CACNA2D1: variants seen among roughly 807,000 people sequenced by gnomAD.
CACNA2D1 encodes the protein voltage-dependent calcium channel subunit alpha-2/delta-1.
Under a neutral mutation model 171.5 loss-of-function variants are expected in CACNA2D1, and 53 were observed. The ratio of observed to expected loss-of-function variants is 0.31; its 90% confidence interval spans 0.25 to 0.39. The LOEUF (loss-of-function observed/expected upper bound fraction) is 0.39, where lower values mean the gene tolerates loss of function less well. Ranked by LOEUF, CACNA2D1 falls within the 10% of genes least tolerant of loss-of-function variation. The pLI, the probability that CACNA2D1 is intolerant of heterozygous loss-of-function variation, is 1.00. For missense variants in CACNA2D1, 903 were observed against 1,299.8 expected (o/e 0.69, Z 4.69); for synonymous variants, 442 against 443.1 (o/e 1.00, Z 0.03).
chr7:82,203,625 C>G (rs1029123627), intron 3 of CACNA2D1, among the ~76,000 whole-genome samples: 1 of 152,160 alleles, frequency 6.6e-6, no homozygotes, highest in Non-Finnish European at 1.5e-5. Context: ...TGATCCAGGG[C>G]ACCTATTTGA....
At chr7:82,357,764 T>C (rs1318434774) in intron 1 of CACNA2D1, among the ~76,000 whole-genome samples, 1 of 150,124 alleles carries the variant, frequency 6.7e-6, no homozygotes, top group African/African-American at 2.5e-5. Flanking sequence ...TAACGCTAAA[T>C]GACCAGTTAA....
At chr7:82,093,029 T>C (rs1042496915) in intron 6 of CACNA2D1, among the ~76,000 whole-genome samples, 1 of 152,114 alleles carries the variant, frequency 6.6e-6, no homozygotes, top group Non-Finnish European at 1.5e-5. Flanking sequence ...ATGCATACTA[T>C]AGATTTTCTT....
chr7:82,386,498 G>A (rs1824398783), intron 1 of CACNA2D1, among the ~76,000 whole-genome samples: 2 of 151,980 alleles, frequency 1.3e-5, no homozygotes, highest in South Asian at 4.1e-4. Flanking sequence ...TTTAATCCCA[G>A]CACTTTGGGA....
At chr7:82,121,647 TG>T (rs1172208660) in intron 5 of CACNA2D1, among the ~76,000 whole-genome samples, 6 of 152,332 alleles carry the variant, frequency 3.9e-5, no homozygotes, top group Non-Finnish European at 8.8e-5. Flanking sequence ...GTGTATGAGT[TG>T]GATGACACTG....
chr7:82,064,218 A>C, intron 9 of CACNA2D1, 86 bp downstream of exon 9: 1 of 891,216 alleles, frequency 1.1e-6, no homozygotes, highest in East Asian at 2.5e-5. Context: ...TAACCTATCA[A>C]ACCTTTCTTA....
At chr7:82,295,428 C>A (rs1365573049) in intron 3 of CACNA2D1, among the ~76,000 whole-genome samples, 1 of 151,948 alleles carries the variant, frequency 6.6e-6, no homozygotes, top group African/African-American at 2.4e-5. Context: ...CCTTGACCCC[C>A]CAGGCTCCAG....
At chr7:82,363,519 C>T (rs1821327999) in intron 1 of CACNA2D1, among the ~76,000 whole-genome samples, 1 of 151,954 alleles carries the variant, frequency 6.6e-6, no homozygotes, top group South Asian at 2.1e-4. Context: ...CCAGCCTCGG[C>T]CTCCCAAAGT....
intron 3 of CACNA2D1, among the ~76,000 whole-genome samples, chr7:82,177,608 T>C (rs563409503): frequency 1.4e-5 from 1 of 69,748 alleles, no homozygotes; most frequent in African/African-American, 3.0e-5. Context: ...TTTCTAAGAT[T>C]TTTTTCAGCA....
intron 3 of CACNA2D1, among the ~76,000 whole-genome samples, chr7:82,249,979 G>A (rs551443962): frequency 6.6e-6 from 1 of 152,324 alleles, no homozygotes; most frequent in South Asian, 2.1e-4. Flanking sequence ...AAGTTTATTT[G>A]GCACACAGTT....
intron 3 of CACNA2D1, among the ~76,000 whole-genome samples, chr7:82,324,905 G>T (rs1044550764): frequency 2.0e-5 from 3 of 152,158 alleles, no homozygotes; most frequent in Admixed American, 2.0e-4. Flanking sequence ...ATGCCAAGGT[G>T]CGTGGACAAA....
intron 3 of CACNA2D1, among the ~76,000 whole-genome samples, chr7:82,184,607 G>A (rs1048072990): frequency 1.9e-4 from 29 of 151,870 alleles, no homozygotes; most frequent in African/African-American, 6.5e-4. Context: ...TTCCACTCAC[G>A]TTTTTTAGAT....
intron 3 of CACNA2D1, among the ~76,000 whole-genome samples, chr7:82,246,667 T>C (rs144611552): frequency 6.6e-4 from 101 of 152,250 alleles, no homozygotes; most frequent in African/African-American, 2.2e-3. Flanking sequence ...GAGATACCTA[T>C]AGAAGTTCAC....
chr7:82,298,194 A>G (rs1423808576), intron 3 of CACNA2D1, among the ~76,000 whole-genome samples: 1 of 152,126 alleles, frequency 6.6e-6, no homozygotes, highest in Non-Finnish European at 1.5e-5. Context: ...GTATCATGTA[A>G]ATGTTTTCCA....
chr7:82,281,313 A>C (rs17262264), intron 3 of CACNA2D1, among the ~76,000 whole-genome samples: 51,806 of 152,002 alleles, frequency 0.34, 8,951 homozygotes, highest in African/African-American at 0.39. Context: ...TTATAAGAAC[A>C]AGTCATTGTG....
At chr7:81,954,185 G>A (rs141849433) in intron 38 of CACNA2D1, among the ~76,000 whole-genome samples, 261 of 152,110 alleles carry the variant, frequency 1.7e-3, no homozygotes, top group African/African-American at 6.0e-3. Flanking sequence ...AAATCCCACT[G>A]ACACCATGAC....
intron 3 of CACNA2D1, among the ~76,000 whole-genome samples, chr7:82,217,394 C>CATATATATAT (rs6150191): frequency 0.015 from 1,537 of 102,284 alleles, 115 homozygotes; most frequent in Middle Eastern, 0.044. Flanking sequence ...CACACACATA[C>CATATATATAT]ATATATATAT....
At chr7:81,990,783 G>A (rs1439025553) in intron 21 of CACNA2D1, among the ~76,000 whole-genome samples, 1 of 152,094 alleles carries the variant, frequency 6.6e-6, no homozygotes, top group Non-Finnish European at 1.5e-5. Flanking sequence ...ACTCATGGAG[G>A]TAAATTATAT....
intron 3 of CACNA2D1, among the ~76,000 whole-genome samples, chr7:82,202,321 C>A (rs955749010): frequency 6.6e-6 from 1 of 152,188 alleles, no homozygotes; most frequent in Non-Finnish European, 1.5e-5. Flanking sequence ...TTCACCCACT[C>A]CCCTCGGTCC....
At chr7:82,119,424 A>C (rs933614052) in intron 5 of CACNA2D1, among the ~76,000 whole-genome samples, 19 of 152,194 alleles carry the variant, frequency 1.2e-4, no homozygotes, top group African/African-American at 4.3e-4. Flanking sequence ...ATGTTGGATG[A>C]GGAGGTCATT....
Sources: gnomAD v4.1 joint callset for allele counts (sites outside exome capture counted in the v4.1 genomes callset) on GRCh38, gnomAD v4.1.1 for gene constraint, MANE v1.5 for transcripts, NCBI Gene and HGNC (gene_info 2026-07-23, HGNC 2026-07-21) for gene names.